SKOR1: variants seen among roughly 807,000 people sequenced by gnomAD.
SKOR1 encodes LBX1 corepressor 1.
SKOR1 carries 38 observed loss-of-function variants against 72.4 expected under a neutral mutation model. That is an observed-to-expected ratio of 0.52 (90% CI 0.40 to 0.69). The LOEUF (loss-of-function observed/expected upper bound fraction) is 0.69, where lower values mean the gene tolerates loss of function less well. Ranked by LOEUF, SKOR1 falls within the 30% of genes least tolerant of loss-of-function variation. SKOR1 has a pLI of 0.00. For synonymous variants in SKOR1, 642 were observed against 599.4 expected, an observed-to-expected ratio of 1.07 and a Z score of -1.04; for missense variants, 1,320 against 1,343.2, an observed-to-expected ratio of 0.98 and a Z score of 0.27.
chr15:67,827,227 G>C lies in SKOR1; in HGVS notation c.1399G>C (p.Gly467Arg). 2 of 1,564,730 alleles carry C rather than the reference G, an allele frequency of 1.3e-6. No homozygotes were observed. The highest frequency in any genetic ancestry group is 1.7e-6 in the Non-Finnish European group (2 of 1,163,824). The change falls in exon 2 of 9, where the codon GGG becomes CGG. Residue 467 changes from glycine to arginine, a missense_variant. Gly to Arg is a moderately radical substitution (Grantham distance 125, BLOSUM62 -2). Transcript: ENST00000380035. ...CATGTTCTGGGGGCATCAACCCTCCGGGGCAGCCAAGGACGCAGCGGCAGT... is the reference window on the plus strand; with the variant it reads ...CATGTTCTGGGGGCATCAACCCTCCCGGGCAGCCAAGGACGCAGCGGCAGT... ...GAMFWGHQPSGAAKDAAAVAA... is the reference protein window; with the variant it reads ...GAMFWGHQPSRAAKDAAAVAA...
At chr15:67,830,734 C>A (rs763001071) in intron 4 of SKOR1, 84 bp from the exon 5 acceptor site, 6 of 1,319,458 alleles carry the variant, frequency 4.5e-6, no homozygotes, top group South Asian at 1.2e-5. Flanking sequence ...GTCCCTGATT[C>A]GATGTGGTTC....
intron 3 of SKOR1, 42 bp from the exon 4 acceptor site, chr15:67,830,149 G>A: frequency 3.1e-6 from 5 of 1,603,528 alleles, no homozygotes; most frequent in Non-Finnish European, 3.4e-6. Flanking sequence ...TCCGGGTCAC[G>A]GTTTCTTTGC....
Position 67,827,186 on chromosome 15 carries a change from G to T in SKOR1, c.1358G>T (p.Gly453Val). The T allele has an allele frequency of 1.4e-6, 2 of 1,399,888 alleles. No homozygotes were observed. Among genetic ancestry groups the T allele is most frequent in the African/African-American group, 1.5e-5 (1 of 67,352 alleles). The allele number at this position is 1,399,888 out of a possible 1,614,324, so 86.7% of individuals were successfully genotyped here. The change falls in exon 2 of 9, where the codon GGC becomes GTC. Residue 453 changes from glycine to valine, a missense_variant. Gly to Val is a moderately radical substitution (Grantham distance 109). Coordinates refer to ENST00000380035, the MANE Select transcript of SKOR1 (RefSeq NM_001365915.1). ...CACTTGCCCCCGGGGGCAGGGGCGG[G>T]CCCGGGCGGCGGCGCCATGTTCTGG... is the stretch of plus-strand genomic sequence containing the variant. The part of the protein sequence containing the change: ...ASHLPPGAGA[G>V]PGGGAMFWGH...
Position 67,827,160 on chromosome 15 carries a change from C to A in SKOR1, c.1332C>A (p.Ser444Arg). The A allele has an allele frequency of 2.2e-6, 3 of 1,350,566 alleles. No individual in the cohort carries two copies. The highest frequency in any genetic ancestry group is 2.8e-6 in the Non-Finnish European group (3 of 1,062,018). The allele number at this position is 1,350,566 out of a possible 1,614,324, so 83.7% of individuals were successfully genotyped here. A position where few individuals can be genotyped will look rare whatever the true frequency, so the allele number is the denominator to read the frequency against. The change falls in exon 2 of 9, where the codon AGC (serine) becomes AGA (arginine). Residue 444 changes from serine (S) to arginine (R), a missense_variant. Ser to Arg is a moderately radical substitution (Grantham distance 110). Coordinates refer to ENST00000380035, the MANE Select transcript of SKOR1 (RefSeq NM_001365915.1). ...GGGGTGCGGGGGGCCCGGGAGCCAG[C>A]CACTTGCCCCCGGGGGCAGGGGCGG... ...TGGGAGGPGASHLPPGAGAGP... is the reference protein window; with the variant it reads ...TGGGAGGPGARHLPPGAGAGP...
chr15:67,830,423 C>T (rs759494246), intron 4 of SKOR1, 125 bp downstream of exon 4: 19 of 798,824 alleles, frequency 2.4e-5, no homozygotes, highest in Non-Finnish European at 3.9e-5. Context: ...AGTCTTCTTC[C>T]TCGGCGAGCA....
Position 67,827,030 on chromosome 15 carries a change from C to T in SKOR1, c.1202C>T (p.Thr401Met), listed in dbSNP as rs773108977. The T allele has an allele frequency of 4.4e-6, 7 of 1,583,702 alleles. No homozygotes were observed. Among genetic ancestry groups the T allele is most frequent in the East Asian group, 2.3e-5 (1 of 43,796 alleles). The change falls in exon 2 of 9, where the codon ACG becomes ATG. Residue 401 changes from threonine to methionine, a missense_variant. Physicochemically the swap from Thr to Met is moderately conservative, Grantham distance 81. Around this residue, in one of 3 missense-constraint regions of SKOR1, gnomAD observed 1,099 missense variants for 1,025.5 expected, o/e 1.07. Coordinates refer to ENST00000380035, the MANE Select transcript of SKOR1 (RefSeq NM_001365915.1). ...PLFPHPYGFP[T>M]AFGLCPKKDD... is the part of the protein sequence containing the mutation. Reference sequence around the variant, plus strand: ...TTCCCCCATCCTTACGGCTTCCCTACGGCCTTCGGCCTATGCCCCAAAAAG... The same window carrying T: ...TTCCCCCATCCTTACGGCTTCCCTATGGCCTTCGGCCTATGCCCCAAAAAG...
Position 67,825,691 on chromosome 15 carries a change from C to A in SKOR1, c.89C>A (p.Ala30Glu), listed in dbSNP as rs889853165. ...SQSENGIGFL[A>E]ARAFLRSGGM... ...TCCGAAAACGGGATTGGGTTCCTTG[C>A]AGCCCGGGCATTCCTGAGGTCTCCT... Residue 30 changes from alanine (A) to glutamate (E), a missense_variant, in exon 1 of 9, where the codon GCA (alanine) becomes GAA (glutamate). By Grantham distance (107) the Ala-to-Glu change is moderately radical. Around this residue, in one of 3 missense-constraint regions of SKOR1, gnomAD observed 120 missense variants for 104.9 expected, o/e 1.14. Transcript: ENST00000380035. This position sits in a 1 kb window ranked among gnomAD's most constrained non-coding sequence, Gnocchi z 5.6. The A allele has an allele frequency of 1.3e-6, 1 of 742,126 alleles. No individual in the cohort carries two copies. The highest frequency in any genetic ancestry group is 1.7e-5 in the African/African-American group (1 of 57,652). 46.0% of individuals were successfully genotyped at this position (742,126 alleles called of 1,614,324 possible).
At position 67,827,880 on chromosome 15, in the gene SKOR1, C is replaced by A. The variant is rs770154145; in HGVS notation, c.2052C>A (p.Ser684Arg). Reference protein sequence around the residue: ...AQEETEPSAPSAGGGPDGEQP... With the variant: ...AQEETEPSAPRAGGGPDGEQP... ...AGGAGACCGAGCCCAGCGCACCCAG[C>A]GCAGGGGGCGGCCCAGACGGTGAAC... Residue 684 changes from serine (S) to arginine (R), a missense_variant, in exon 2 of 9, where the codon AGC becomes AGA. Ser to Arg is a moderately radical substitution (Grantham distance 110). Transcript: ENST00000380035. 3.1e-6 allele frequency: 5 copies of A among 1,600,498 alleles called. No individual in the cohort carries two copies. The African/African-American group carries it at 4.0e-5, about 13-fold the overall frequency.
Position 67,833,617 on chromosome 15 carries a change from G to C in SKOR1, c.2804-125G>C, listed in dbSNP as rs1016197296. 2.0e-6 allele frequency: 2 copies of C among 1,000,340 alleles called. No individual in the cohort carries two copies. The highest frequency in any genetic ancestry group is 3.1e-6 in the Non-Finnish European group (2 of 636,228). The allele number at this position is 1,000,340 out of a possible 1,614,324, so 62.0% of individuals were successfully genotyped here. A position where few individuals can be genotyped will look rare whatever the true frequency, so the allele number is the denominator to read the frequency against. On this transcript the variant is annotated intron_variant, in intron 8 of 8. Transcript: ENST00000380035. The surrounding 1 kb of genome is among the most constrained non-coding windows in gnomAD (Gnocchi z 6.0). ...TTGTCCTACCCTCCTGCCTCCTCCTGATCCGCTCGGTTGAGATTCCCTGAC... is the reference window on the plus strand; with the variant it reads ...TTGTCCTACCCTCCTGCCTCCTCCTCATCCGCTCGGTTGAGATTCCCTGAC...
At position 67,825,939 on chromosome 15, in the gene SKOR1, C is replaced by A. The variant is rs2090955037; in HGVS notation, c.111C>A (p.Ser37Arg). Residue 37 changes from serine (S) to arginine (R), a missense_variant, in exon 2 of 9, where the codon AGC becomes AGA. Coordinates refer to ENST00000380035, the MANE Select transcript of SKOR1 (RefSeq NM_001365915.1). This position sits in a 1 kb window ranked among gnomAD's most constrained non-coding sequence, Gnocchi z 5.6. ...CTCTGCTTTCTCTATTTCGCAGGAG[C>A]GGCGGCATGGAGGCTCTCACCACTC... Reference protein sequence around the residue: ...GFLAARAFLRSGGMEALTTQL... With the variant: ...GFLAARAFLRRGGMEALTTQL... 4.6e-6 allele frequency: 7 copies of A among 1,514,192 alleles called. No homozygotes were observed. The East Asian group carries it at 1.6e-4, about 34-fold the overall frequency. 93.8% of individuals were successfully genotyped at this position (1,514,192 alleles called of 1,614,324 possible).
chr15:67,826,579 C>G lies in SKOR1; in HGVS notation c.751C>G (p.Leu251Val). The G allele has an allele frequency of 6.2e-7, 1 of 1,614,088 alleles. No homozygotes were observed. The highest frequency in any genetic ancestry group is 1.3e-5 in the African/African-American group (1 of 75,082). ...CAACTCCTGGCGTCGTCACCTCAAA[C>G]TCAGTGACAAGTCGGCCACAGACGA... ...NFNSWRRHLKLSDKSATDELS... is the reference protein window; with the variant it reads ...NFNSWRRHLKVSDKSATDELS... Residue 251 changes from leucine (L) to valine (V), a missense_variant, in exon 2 of 9, where the codon CTC becomes GTC. Leu to Val is a conservative substitution (Grantham distance 32, BLOSUM62 1). Around this residue, in one of 3 missense-constraint regions of SKOR1, gnomAD observed 1,099 missense variants for 1,025.5 expected, o/e 1.07. Coordinates refer to ENST00000380035, the MANE Select transcript of SKOR1 (RefSeq NM_001365915.1).
In SKOR1 at chr15:67,826,098, G is replaced by A. The variant is rs1429144335; in HGVS notation, c.270G>A (p.Leu90=). The A allele has an allele frequency of 6.3e-7, 1 of 1,599,458 alleles. No homozygotes were observed. The highest frequency in any genetic ancestry group is 8.5e-7 in the Non-Finnish European group (1 of 1,170,054). Residue 90 remains leucine, a synonymous_variant, in exon 2 of 9, where the codon CTG becomes CTA. Transcript: ENST00000380035. ...TGTACGGGGTGCCCATTGTGTCGCT[G>A]GTCATCGACGGCCAGGAGCGCCTAT... The part of the protein sequence containing the change: ...TSLYGVPIVS[L]VIDGQERLCL...
At position 67,832,689 on chromosome 15, in the gene SKOR1, G is replaced by C. The variant is rs749934335; in HGVS notation, c.2737+8G>C. On this transcript the variant is annotated splice_region_variant and intron_variant, in intron 7 of 8. Coordinates refer to ENST00000380035, the MANE Select transcript of SKOR1 (RefSeq NM_001365915.1). This position sits in a 1 kb window ranked among gnomAD's most constrained non-coding sequence, Gnocchi z 4.5. ...AGCTGCAAATTGTCAGAGGTAAGAC[G>C]GGAGTCAGGTGAGCTCGTGCACGGG... The C allele has an allele frequency of 1.2e-6, 2 of 1,613,432 alleles. No individual in the cohort carries two copies. The highest frequency in any genetic ancestry group is 1.7e-6 in the Non-Finnish European group (2 of 1,179,572).
chr15:67,829,631 G>A (rs905737572), intron 3 of SKOR1, among the ~76,000 whole-genome samples: 6 of 152,256 alleles, frequency 3.9e-5, no homozygotes, highest in African/African-American at 1.4e-4. Context: ...CGGGGCGGAG[G>A]ATGGGGGCAC....
chr15:67,828,279 G>A, intron 2 of SKOR1, 135 bp downstream of exon 2: 1 of 1,334,414 alleles, frequency 7.5e-7, no homozygotes, highest in South Asian at 2.0e-5. Flanking sequence ...ACTCTCCGCA[G>A]GCCCAGCCTT....
rs1364591371 is a variant in SKOR1, at chr15:67,833,154, T to C, written c.2738-38T>C. The stretch of plus-strand genomic sequence containing the variant: ...GTGACCCCGGCCTTTCGGAGGGTGG[T>C]CTGCGTTTCCTCACTGGCCCCTCCC... On this transcript the variant is annotated intron_variant, in intron 7 of 8. Coordinates refer to ENST00000380035, the MANE Select transcript of SKOR1 (RefSeq NM_001365915.1). This position sits in a 1 kb window ranked among gnomAD's most constrained non-coding sequence, Gnocchi z 6.0. The C allele has an allele frequency of 1.2e-6, 2 of 1,612,364 alleles. No individual in the cohort carries two copies. The highest frequency in any genetic ancestry group is 2.2e-5 in the East Asian group (1 of 44,842).
At position 67,834,042 on chromosome 15, in the gene SKOR1, A is replaced by G. The variant is rs1184786128; in HGVS notation, c.*206A>G. ...GTCCAGGGCCCCGGCTTGGTTTCCA[A>G]GTGTAAATACCGCCTCGCGCCTCAA... On this transcript the variant is annotated 3_prime_UTR_variant, in exon 9 of 9. Coordinates refer to ENST00000380035, the MANE Select transcript of SKOR1 (RefSeq NM_001365915.1). This position sits in a 1 kb window ranked among gnomAD's most constrained non-coding sequence, Gnocchi z 5.8. 1.6e-6 allele frequency: 1 copy of G among 619,658 alleles called. No individual in the cohort carries two copies. The highest frequency in any genetic ancestry group is 2.9e-6 in the Non-Finnish European group (1 of 345,844). 38.4% of individuals were successfully genotyped at this position (619,658 alleles called of 1,614,324 possible).
chr15:67,832,865 G>T lies in SKOR1; in HGVS notation c.2737+184G>T, dbSNP rs1277008909. The T allele has an allele frequency of 4.9e-6, 3 of 614,030 alleles. No individual in the cohort carries two copies. Among genetic ancestry groups the T allele is most frequent in the Non-Finnish European group, 8.6e-6 (3 of 349,208 alleles). 38.0% of individuals were successfully genotyped at this position (614,030 alleles called of 1,614,324 possible). On this transcript the variant is annotated intron_variant, in intron 7 of 8. Coordinates refer to ENST00000380035, the MANE Select transcript of SKOR1 (RefSeq NM_001365915.1). The surrounding 1 kb of genome is among the most constrained non-coding windows in gnomAD (Gnocchi z 4.5). ...GGCAAGCGAGCCCAGCAAACGGCTT[G>T]CAGGCATCATTACATGGAGTGATTG...
chr15:67,827,989 C>T lies in SKOR1; in HGVS notation c.2161C>T (p.Arg721Cys), dbSNP rs745963696. Residue 721 changes from arginine to cysteine, a missense_variant, in exon 2 of 9, where the codon CGC (arginine) becomes TGC (cysteine). By Grantham distance (180) the Arg-to-Cys change is radical (BLOSUM62 -3). Coordinates refer to ENST00000380035, the MANE Select transcript of SKOR1 (RefSeq NM_001365915.1). ...SPDGGSPRPR[R>C]RLGPPPAGRP... The stretch of plus-strand genomic sequence containing the variant: ...CGACGGCGGCAGCCCCCGCCCCCGG[C>T]GCCGCCTCGGGCCACCCCCAGCTGG... 22 of 1,538,610 alleles carry T rather than the reference C, an allele frequency of 1.4e-5. No individual in the cohort carries two copies. The highest frequency in any genetic ancestry group is 3.5e-4 in the Middle Eastern group (2 of 5,790).
Sources: allele counts gnomAD v4.1 joint callset (sites outside exome capture counted in the v4.1 genomes callset), GRCh38; gene constraint gnomAD v4.1.1; regional missense constraint gnomAD v4.1.1; non-coding constraint Gnocchi (gnomAD v3.1); transcripts MANE v1.5; gene names NCBI Gene and HGNC (gene_info 2026-07-23, HGNC 2026-07-21).